The following PSD3 variants were observed in gnomAD, a reference collection of about 807,000 sequenced individuals.
PSD3 encodes the protein PH and SEC7 domain-containing protein 3.
PSD3 carries 49 observed loss-of-function variants against 105.5 expected under a neutral mutation model. The ratio of observed to expected loss-of-function variants is 0.46; its 90% CI spans 0.37 to 0.59. The LOEUF (loss-of-function observed/expected upper bound fraction) is 0.59, where lower values mean the gene tolerates loss of function less well. Among genes scored for constraint, PSD3 ranks in the 20% least tolerant of loss-of-function variants. The pLI, the probability that PSD3 is intolerant of heterozygous loss-of-function variation, is 0.00. For synonymous variants in PSD3, 557 were observed against 457.8 expected (o/e 1.22, Z -2.77); for missense variants, 1,561 against 1,263.8 (o/e 1.24, Z -3.57).
At chr8:18,951,480 G>C (rs1196833986) in intron 1 of PSD3, among the ~76,000 whole-genome samples, 1 of 152,088 alleles carries the variant, frequency 6.6e-6, no homozygotes, top group Non-Finnish European at 1.5e-5. Context: ...CAATCCTCTA[G>C]GGCCACAGCC....
intron 1 of PSD3, among the ~76,000 whole-genome samples, chr8:18,987,768 G>C (rs1413966295): frequency 6.6e-6 from 1 of 152,012 alleles, no homozygotes; most frequent in African/African-American, 2.4e-5. Flanking sequence ...AGCCGTGACT[G>C]CATCACTGCA....
At chr8:18,798,541 A>G (rs1207065960) in intron 8 of PSD3, among the ~76,000 whole-genome samples, 2 of 152,156 alleles carry the variant, frequency 1.3e-5, no homozygotes, top group African/African-American at 4.8e-5. Flanking sequence ...TCAATTTTTT[A>G]TATGTAATTT....
rs35372478 is a variant in PSD3 at position 18,624,844 on chromosome 8, G to C, written c.2410+7769C>G. 3.7e-3 allele frequency among the ~76,000 whole-genome samples: 558 copies of C among 151,306 alleles called. 3 individuals are homozygous for C. Among genetic ancestry groups the C allele is most frequent in the Middle Eastern group, 0.01 (3 of 292 alleles). Reference sequence around the variant, plus strand: ...TTTTAATATAAAGTCTTTACTTTTAGTGTAATTATACATATCAATTTTTTT... The same window carrying C: ...TTTTAATATAAAGTCTTTACTTTTACTGTAATTATACATATCAATTTTTTT... On this transcript the variant is annotated intron_variant, in intron 11 of 15. Transcript: ENST00000327040.
intron 1 of PSD3, among the ~76,000 whole-genome samples, chr8:19,054,667 T>G (rs1045373420): frequency 6.6e-6 from 1 of 152,208 alleles, no homozygotes; most frequent in Non-Finnish European, 1.5e-5. Flanking sequence ...TTTGGTAAAC[T>G]TCATATTAAT....
chr8:18,618,801 C>A (rs1251276945), intron 11 of PSD3, among the ~76,000 whole-genome samples: 1 of 152,074 alleles, frequency 6.6e-6, no homozygotes. Flanking sequence ...CCACCTTAGC[C>A]CCCTGACTAG....
intron 8 of PSD3, among the ~76,000 whole-genome samples, chr8:18,775,482 T>C (rs1026780287): frequency 2.0e-5 from 3 of 152,198 alleles, no homozygotes; most frequent in African/African-American, 7.2e-5. Context: ...TTTCCCTTTC[T>C]TTTCATTCTG....
chr8:19,046,381 A>T (rs1298780727), intron 1 of PSD3, among the ~76,000 whole-genome samples: 2 of 152,164 alleles, frequency 1.3e-5, no homozygotes, highest in African/African-American at 2.4e-5. Context: ...AAGTGTTGGG[A>T]TTACAGGCTG....
At chr8:18,878,822 C>A (rs745345936) in intron 2 of PSD3, among the ~76,000 whole-genome samples, 1 of 152,202 alleles carries the variant, frequency 6.6e-6, no homozygotes, top group Admixed American at 6.5e-5. Flanking sequence ...ATGTTACTCA[C>A]GCCTTAAAGC....
At chr8:18,915,350 G>T (rs1820515575) in intron 2 of PSD3, among the ~76,000 whole-genome samples, 1 of 152,104 alleles carries the variant, frequency 6.6e-6, no homozygotes, top group African/African-American at 2.4e-5. Flanking sequence ...AAATTGGATT[G>T]CATCAAACTA....
At chr8:19,037,909 T>C (rs1264477180) in intron 1 of PSD3, among the ~76,000 whole-genome samples, 1 of 149,432 alleles carries the variant, frequency 6.7e-6, no homozygotes, top group Non-Finnish European at 1.5e-5. Context: ...ATTTAATATA[T>C]ATAATCATAT....
rs559499441 is a variant in PSD3, at chr8:18,533,358, A to T, written c.*2385T>A. On this transcript the variant is annotated 3_prime_UTR_variant, in exon 16 of 16. Transcript: ENST00000327040. Reference sequence around the variant, plus strand: ...CCTTTAAAGTTGTTTTTAAAGATAAACTATGCAAACATGGTATACTGAAGC... The same window carrying T: ...CCTTTAAAGTTGTTTTTAAAGATAATCTATGCAAACATGGTATACTGAAGC... The T allele has an allele frequency of 1.3e-4, 20 of 152,296 alleles. No individual in the cohort carries two copies. The highest frequency in any genetic ancestry group is 3.9e-4 in the Admixed American group (6 of 15,304). The allele number at this position is 152,296 out of a possible 1,614,324, so 9.4% of individuals were successfully genotyped here.
chr8:18,594,985 A>G (rs757558301), intron 12 of PSD3, among the ~76,000 whole-genome samples: 3 of 152,086 alleles, frequency 2.0e-5, no homozygotes, highest in Non-Finnish European at 4.4e-5. Flanking sequence ...AAAATATACA[A>G]TGCTTTAATG....
chr8:18,565,275 G>C (rs62492893), intron 14 of PSD3, among the ~76,000 whole-genome samples: 8,580 of 152,282 alleles, frequency 0.056, 339 homozygotes, highest in Middle Eastern at 0.089. Context: ...ACTGTGAACA[G>C]GGCCGGCCAT....
chr8:19,011,073 T>C (rs932712658), intron 1 of PSD3, among the ~76,000 whole-genome samples: 2 of 152,042 alleles, frequency 1.3e-5, no homozygotes, highest in African/African-American at 4.8e-5. Context: ...TCTGAATTCC[T>C]TTCCAAAAAT....
chr8:18,708,829 A>G (rs1401367655), intron 9 of PSD3, among the ~76,000 whole-genome samples: 1 of 152,008 alleles, frequency 6.6e-6, no homozygotes, highest in African/African-American at 2.4e-5. Context: ...TGACCCATGG[A>G]GAGCAAGAAA....
At chr8:18,733,252 T>A (rs1213028523) in intron 9 of PSD3, 1 of 152,206 alleles carries the variant, frequency 6.6e-6, no homozygotes, top group Non-Finnish European at 1.5e-5. Context: ...ATCTCTTTTT[T>A]TAAAAAATGA....
intron 9 of PSD3, among the ~76,000 whole-genome samples, chr8:18,727,463 T>C (rs552635185): frequency 6.1e-4 from 93 of 151,476 alleles, no homozygotes; most frequent in African/African-American, 2.1e-3. Context: ...TAAGCCACGA[T>C]TGTGCCACTG....
At chr8:18,673,073 C>G (rs1239465620) in intron 9 of PSD3, among the ~76,000 whole-genome samples, 1 of 152,106 alleles carries the variant, frequency 6.6e-6, no homozygotes, top group African/African-American at 2.4e-5. Context: ...ACCTCTGATT[C>G]TTGCTGCTCA....
chr8:18,761,533 T>G (rs1473066573), intron 9 of PSD3, among the ~76,000 whole-genome samples: 1 of 152,192 alleles, frequency 6.6e-6, no homozygotes, highest in Non-Finnish European at 1.5e-5. Flanking sequence ...CCCTGACTAT[T>G]AAGAGACAGA....
Sources: allele counts gnomAD v4.1 joint callset (sites outside exome capture counted in the v4.1 genomes callset), GRCh38; gene constraint gnomAD v4.1.1; transcripts MANE v1.5; gene names NCBI Gene and HGNC (gene_info 2026-07-23, HGNC 2026-07-21).